The following DNASE1 variants were observed in gnomAD, a reference collection of about 807,000 sequenced individuals.
DNASE1 encodes the protein deoxyribonuclease 1.
A neutral mutation model predicts 33.9 loss-of-function variants in DNASE1; 40 were observed. The ratio of observed to expected loss-of-function variants is 1.18; its 90% confidence interval spans 0.92 to 1.54. DNASE1 has a LOEUF of 1.54. Among genes scored for constraint, DNASE1 ranks in the 40% most tolerant of loss-of-function variants. The pLI is 0.00. For missense variants in DNASE1, 518 were observed against 372.6 expected (o/e 1.39, Z -3.21); for synonymous variants, 216 against 160.0 (o/e 1.35, Z -2.64).
At chr16:3,665,049 C>G (rs764526002) in exon 10 of DNASE1, 3 of 153,960 alleles carry the variant, frequency 1.9e-5, no homozygotes, top group African/African-American at 7.2e-5. Context: ...GACACCCAAC[C>G]AGCAGGGCCC....
chr16:3,648,889 C>G (rs915036927), intron 1 of DNASE1, among the ~76,000 whole-genome samples: 3 of 152,204 alleles, frequency 2.0e-5, no homozygotes, highest in Non-Finnish European at 4.4e-5. Flanking sequence ...TAACATCCAT[C>G]TCAAAATGTG....
chr16:3,660,392 T>G (rs903069455), downstream of DNASE1: 1 of 152,238 alleles, frequency 6.6e-6, no homozygotes, highest in Non-Finnish European at 1.5e-5. Context: ...ATCCCACCAC[T>G]TTGGGAGGCC....
At position 3,655,852 on chromosome 16, in the gene DNASE1, C is replaced by G. The variant is rs1198114706; in HGVS notation, c.151C>G (p.Leu51Val). ...ATLVSYIVQI[L>V]SRYDIALVQE... is the part of the protein sequence containing the mutation. ...ACCACTGTGGCCCTGCCCCCAGATC[C>G]TGAGCCGCTATGACATCGCCCTGGT... Residue 51 changes from leucine to valine, a missense_variant, in exon 3 of 9, where the codon CTG becomes GTG. Coordinates refer to ENST00000246949, the MANE Select transcript of DNASE1 (RefSeq NM_005223.4). 6.2e-7 allele frequency: 1 copy of G among 1,613,722 alleles called. No individual in the cohort carries two copies. The highest frequency in any genetic ancestry group is 8.5e-7 in the Non-Finnish European group (1 of 1,179,996).
At chr16:3,639,778 C>G (rs2041978776), upstream of DNASE1, among the ~76,000 whole-genome samples, 1 of 152,082 alleles carries the variant, frequency 6.6e-6, no homozygotes, top group Admixed American at 6.6e-5. Flanking sequence ...AATTGTTGGC[C>G]AGGCCCGGTG....
chr16:3,612,700 C>T (rs577999303), intron 1 of DNASE1, among the ~76,000 whole-genome samples: 19 of 152,218 alleles, frequency 1.2e-4, no homozygotes, highest in African/African-American at 4.6e-4. Context: ...TGAGCCACCA[C>T]GCCCGGCGTA....
downstream of DNASE1, chr16:3,662,031 C>G: frequency 6.2e-7 from 1 of 1,613,232 alleles, no homozygotes; most frequent in Non-Finnish European, 8.5e-7. Context: ...GTGCGCGCTC[C>G]TCCTGGGTCT....
chr16:3,623,741 T>C (rs1003261942), intron 1 of DNASE1, among the ~76,000 whole-genome samples: 2 of 151,214 alleles, frequency 1.3e-5, no homozygotes, highest in Non-Finnish European at 2.9e-5. Context: ...AGAGAGAAAG[T>C]AGGCAAAGGA....
chr16:3,638,104 AGT>A (rs58884007), upstream of DNASE1, among the ~76,000 whole-genome samples: 22,528 of 143,180 alleles, frequency 0.16, 2,680 homozygotes, highest in African/African-American at 0.35. Context: ...AGTTTTTGTG[AGT>A]GTGTGTGTGT....
At position 3,617,202 on chromosome 16, in the gene DNASE1, C is replaced by T. The variant is rs375296850; in HGVS notation, c.-1359+5196C>T. ...TTAGCAGGGCGTGGTGGTGTGCGCC[C>T]GTAATCCCAGCTACTCGGGAGGCTG... On this transcript the variant is annotated intron_variant and NMD_transcript_variant, in intron 1 of 11. Transcript: ENST00000570769. Among the ~76,000 whole-genome samples the T allele has an allele frequency of 5.3e-5, 8 of 151,050 alleles. No homozygotes were observed. The South Asian group carries it at 6.3e-4, about 12-fold the overall frequency.
intron 1 of DNASE1, among the ~76,000 whole-genome samples, chr16:3,632,786 A>T (rs1224884334): frequency 1.3e-5 from 2 of 152,042 alleles, no homozygotes; most frequent in African/African-American, 4.8e-5. Flanking sequence ...GGGTTTTACC[A>T]TGTTGTCCAG....
intron 7 of DNASE1, 141 bp downstream of exon 7, chr16:3,657,482 A>AACAAGAGCCACGATTTTTAG: frequency 7.6e-7 from 1 of 1,308,202 alleles, no homozygotes; most frequent in Non-Finnish European, 1.0e-6. Flanking sequence ...GGAACAGAAT[A>AACAAGAGCCACGATTTTTAG]ACAAGAGCCA....
chr16:3,664,500 T>C (rs200842856), exon 10 of DNASE1: 11 of 1,569,666 alleles, frequency 7.0e-6, no homozygotes, highest in Middle Eastern at 3.4e-4. Context: ...TCCAGGCCCA[T>C]GGGCTCAATG....
In DNASE1 at chr16:3,664,195, A is replaced by G. The variant is rs528164308; in HGVS notation, c.*6242A>G. On this transcript the variant is annotated 3_prime_UTR_variant, in exon 10 of 10. Transcript: ENST00000407479. ...CCTGCCCGGAGTCTTGGGCAGGTTC[A>G]CCCAGCACAGAGCTGAGAAGGTCAA... The G allele has an allele frequency of 1.8e-3, 2,496 of 1,413,752 alleles. 3 individuals carry two copies. The highest frequency in any genetic ancestry group is 2.6e-3 in the Admixed American group (93 of 35,224). The allele number at this position is 1,413,752 out of a possible 1,614,324, so 87.6% of individuals were successfully genotyped here.
chr16:3,631,449 C>T (rs1186960266), intron 1 of DNASE1, among the ~76,000 whole-genome samples: 2 of 152,190 alleles, frequency 1.3e-5, no homozygotes, highest in African/African-American at 4.8e-5. Context: ...AGGTGATCCA[C>T]CTGCCTCGGC....
At chr16:3,664,567 G>GTCA in exon 10 of DNASE1, 1 of 1,267,378 alleles carries the variant, frequency 7.9e-7, no homozygotes, top group South Asian at 1.4e-5. Flanking sequence ...GGCACTCCAG[G>GTCA]CTGGCCCTGA....
chr16:3,633,993 G>A (rs1211695247), intron 1 of DNASE1, among the ~76,000 whole-genome samples: 1 of 151,552 alleles, frequency 6.6e-6, no homozygotes, highest in South Asian at 2.1e-4. Context: ...TGTATTTTTA[G>A]TAGAGGCGGG....
At position 3,657,924 on chromosome 16, in the gene DNASE1, C is replaced by G. The variant is rs1350383005; in HGVS notation, c.820C>G (p.His274Asp). 4 of 1,613,202 alleles carry G rather than the reference C, an allele frequency of 2.5e-6. No individual in the cohort carries two copies. The South Asian group carries it at 3.3e-5, about 13-fold the overall frequency. The change falls in exon 9 of 9, where the codon CAC becomes GAC. Residue 274 changes from histidine to aspartate, a missense_variant. Physicochemically the swap from His to Asp is moderately conservative, Grantham distance 81. Coordinates refer to ENST00000246949, the MANE Select transcript of DNASE1 (RefSeq NM_005223.4). ...CCTGCAGGCCCAAGCCATCAGTGACCACTATCCAGTGGAGGTGATGCTGAA... is the reference window on the plus strand; with the variant it reads ...CCTGCAGGCCCAAGCCATCAGTGACGACTATCCAGTGGAGGTGATGCTGAA... ...SDQLAQAISD[H>D]YPVEVMLK
downstream of DNASE1, chr16:3,658,771 C>T (rs763798908): frequency 2.5e-6 from 4 of 1,609,306 alleles, no homozygotes; most frequent in African/African-American, 4.0e-5. Context: ...TCCCTGCAGT[C>T]ATCCTAAGCT....
downstream of DNASE1, chr16:3,661,831 G>T: frequency 1.0e-6 from 1 of 962,238 alleles, no homozygotes; most frequent in Non-Finnish European, 1.4e-6. Context: ...CATTTCACAT[G>T]GGTGCAGCCT....
Sources: allele counts gnomAD v4.1 joint callset (sites outside exome capture counted in the v4.1 genomes callset), GRCh38; gene constraint gnomAD v4.1.1; transcripts MANE v1.5; gene names NCBI Gene and HGNC (gene_info 2026-07-23, HGNC 2026-07-21).